The following PCDHA11 variants were observed in gnomAD, a reference collection of about 807,000 sequenced individuals.
The protein encoded by PCDHA11 is protocadherin alpha-11.
PCDHA11 carries 61 observed loss-of-function variants against 70.3 expected under a neutral mutation model. That is an observed-to-expected ratio of 0.87 (90% CI 0.71 to 1.07). The LOEUF (loss-of-function observed/expected upper bound fraction) is 1.07, where lower values mean the gene tolerates loss of function less well. Among genes scored for constraint, PCDHA11 ranks in the 50% least tolerant of loss-of-function variants. The pLI, the probability that PCDHA11 is intolerant of heterozygous loss-of-function variation, is 0.00. For synonymous variants in PCDHA11, 633 were observed against 555.1 expected (o/e 1.14, Z -1.97); for missense variants, 1,324 against 1,237.5 (o/e 1.07, Z -1.05).
In PCDHA11 at chr5:140,871,190, A is replaced by G. The variant is rs1554165248; in HGVS notation, c.2087A>G (p.Asn696Ser). ...CCAGAGGCTGCGCTGGTGGATGTCA[A>G]CGTGTACCTGATCATCGCCATCTGC... ...ASPEAALVDV[N>S]VYLIIAICVV... The change falls in exon 1 of 4, where the codon AAC becomes AGC. Residue 696 changes from asparagine (N) to serine (S), a missense_variant. Physicochemically the swap from Asn to Ser is conservative, Grantham distance 46. Coordinates refer to ENST00000398640, the MANE Select transcript of PCDHA11 (RefSeq NM_018902.5). The G allele has an allele frequency of 5.6e-6, 9 of 1,613,526 alleles. No homozygotes were observed. The highest frequency in any genetic ancestry group is 3.3e-5 in the Admixed American group (2 of 60,014).
intron 1 of PCDHA11, among the ~76,000 whole-genome samples, chr5:140,963,203 AAAAC>A (rs1457721166): frequency 6.6e-6 from 1 of 152,100 alleles, no homozygotes; most frequent in African/African-American, 2.4e-5. Context: ...AATGAAAAAA[AAAAC>A]CTCGTGTTTA....
Position 140,870,513 on chromosome 5 carries a change from C to G in PCDHA11, c.1410C>G (p.Gly470=). The change falls in exon 1 of 4, where the codon GGC becomes GGG. Residue 470 remains glycine, a synonymous_variant. Coordinates refer to ENST00000398640, the MANE Select transcript of PCDHA11 (RefSeq NM_018902.5). The part of the protein sequence containing the change: ...TVFVKENNPP[G]CHIFTVSARD... ...TCGTGAAGGAGAACAACCCACCAGG[C>G]TGCCACATCTTCACAGTGTCGGCGC... is the stretch of plus-strand genomic sequence containing the variant. 6.2e-7 allele frequency: 1 copy of G among 1,614,254 alleles called. No individual in the cohort carries two copies. Among genetic ancestry groups the G allele is most frequent in the Non-Finnish European group, 8.5e-7 (1 of 1,180,052 alleles).
intron 1 of PCDHA11, among the ~76,000 whole-genome samples, chr5:140,945,724 A>G (rs569323682): frequency 4.6e-5 from 7 of 152,272 alleles, no homozygotes; most frequent in South Asian, 2.1e-4. Flanking sequence ...AAGAATATAC[A>G]ATGGAAAAAG....
intron 1 of PCDHA11, chr5:140,884,562 A>G (rs782650365): frequency 3.1e-6 from 5 of 1,614,166 alleles, no homozygotes; most frequent in Admixed American, 1.7e-5. Flanking sequence ...GAGGGCCCGC[A>G]TAAGACGGAC....
rs57893927 is a variant in PCDHA11 at position 140,946,631 on chromosome 5, T to TATATATATATATACACAC, written c.2392-32317_2392-32316insTATATATATATACACACA. ...TGTGAAATATATATATATATATATA[T>TATATATATATATACACAC]ACAATGGAATACTCATCAGCCATTA... On this transcript the variant is annotated intron_variant, in intron 1 of 3. Transcript: ENST00000398640. Among the ~76,000 whole-genome samples the TATATATATATATACACAC allele has an allele frequency of 9.9e-5, 13 of 131,856 alleles. 1 individual carries two copies. The East Asian group carries it at 2.7e-3, about 27-fold the overall frequency. 86.5% of individuals were successfully genotyped at this position (131,856 alleles called of 152,430 possible). A position where few individuals can be genotyped will look rare whatever the true frequency, so the allele number is the denominator to read the frequency against.
At chr5:140,928,475 G>A (rs369473809) in intron 1 of PCDHA11, 1 of 1,614,136 alleles carries the variant, frequency 6.2e-7, no homozygotes, top group African/African-American at 1.3e-5. Context: ...GTAGAAGGCC[G>A]GGATGGTGGC....
chr5:140,876,567 G>T (rs782286416), intron 1 of PCDHA11: 90 of 1,614,068 alleles, frequency 5.6e-5, no homozygotes, highest in Non-Finnish European at 6.3e-5. Context: ...ATGCTCAGGT[G>T]GGTACCGTCA....
rs1041971288 is a variant in PCDHA11, at chr5:140,912,300, A to G, written c.2391+40806A>G. ...CCAGGAACAATACTTTGCCTCCTGT[A>G]ATCCAGTCAAGTTGACCCTCAGTAT... On this transcript the variant is annotated intron_variant, in intron 1 of 3. Coordinates refer to ENST00000398640, the MANE Select transcript of PCDHA11 (RefSeq NM_018902.5). Among the ~76,000 whole-genome samples, 5 of 152,070 alleles carry G rather than the reference A, an allele frequency of 3.3e-5. No homozygotes were observed. The East Asian group carries it at 9.7e-4, about 29-fold the overall frequency.
At chr5:140,876,775 C>A (rs373638459) in intron 1 of PCDHA11, 3 of 1,614,130 alleles carry the variant, frequency 1.9e-6, no homozygotes, top group Non-Finnish European at 1.7e-6. Flanking sequence ...CTCGCCTTCG[C>A]TGTGGGCCAC....
chr5:140,876,541 C>T, intron 1 of PCDHA11: 1 of 1,614,188 alleles, frequency 6.2e-7, no homozygotes, highest in Non-Finnish European at 8.5e-7. Context: ...TTCACTGTCG[C>T]TCCCTGTGCA....
chr5:140,884,798 A>C, intron 1 of PCDHA11: 3 of 1,275,332 alleles, frequency 2.4e-6, no homozygotes, highest in Non-Finnish European at 3.2e-6. Flanking sequence ...TATCGAATTT[A>C]ACAACTCTGC....
Position 140,869,717 on chromosome 5 carries a change from C to A in PCDHA11, c.614C>A (p.Thr205Asn). Residue 205 changes from threonine to asparagine, a missense_variant, in exon 1 of 4, where the codon ACT becomes AAT. By Grantham distance (65) the Thr-to-Asn change is moderately conservative. Coordinates refer to ENST00000398640, the MANE Select transcript of PCDHA11 (RefSeq NM_018902.5). ...ILKKSLDREK[T>N]PELNLLLTAT... ...AAGAAGTCTCTGGATAGAGAGAAAA[C>A]TCCGGAACTTAATTTGCTGCTAACA... The A allele has an allele frequency of 6.2e-7, 1 of 1,613,364 alleles. No homozygotes were observed.
chr5:140,910,958 C>G (rs571427431), intron 1 of PCDHA11, among the ~76,000 whole-genome samples: 2 of 152,220 alleles, frequency 1.3e-5, no homozygotes, highest in East Asian at 3.9e-4. Context: ...TCGAGTGTAG[C>G]ACACCTCCTC....
At chr5:140,974,379 T>G (rs2096625482) in intron 1 of PCDHA11, among the ~76,000 whole-genome samples, 1 of 152,250 alleles carries the variant, frequency 6.6e-6, no homozygotes, top group South Asian at 2.1e-4. Flanking sequence ...TCTGTTGTAC[T>G]GGAACCCATT....
intron 1 of PCDHA11, among the ~76,000 whole-genome samples, chr5:140,890,901 T>C (rs1583031993): frequency 6.6e-6 from 1 of 152,194 alleles, no homozygotes; most frequent in Admixed American, 6.5e-5. Flanking sequence ...TGTCTTTCCA[T>C]GTTAGAATAA....
chr5:140,984,945 C>CT (rs113297104), intron 3 of PCDHA11, among the ~76,000 whole-genome samples: 99 of 149,274 alleles, frequency 6.6e-4, no homozygotes, highest in Non-Finnish European at 1.1e-3. Context: ...AATGTCTAAT[C>CT]TTTTTTTTTT....
intron 1 of PCDHA11, chr5:140,877,370 C>G (rs781905172): frequency 6.2e-7 from 1 of 1,614,004 alleles, no homozygotes; most frequent in Admixed American, 1.7e-5. Context: ...GAGATCAGCA[C>G]GACACGCATC....
At chr5:140,877,821 T>A in intron 1 of PCDHA11, 1 of 1,603,344 alleles carries the variant, frequency 6.2e-7, no homozygotes, top group East Asian at 2.2e-5. Flanking sequence ...GAGAAGATTG[T>A]TTAAATCCTC....
intron 1 of PCDHA11, chr5:140,926,929 G>A (rs1554203825): frequency 6.3e-7 from 1 of 1,575,722 alleles, no homozygotes; most frequent in South Asian, 1.2e-5. Flanking sequence ...ATGTTTGTGG[G>A]TTTCCTGCGG....
Sources: allele counts gnomAD v4.1 joint callset (sites outside exome capture counted in the v4.1 genomes callset), GRCh38; gene constraint gnomAD v4.1.1; transcripts MANE v1.5; gene names NCBI Gene and HGNC (gene_info 2026-07-23, HGNC 2026-07-21).